The following ATP9B variants were observed in gnomAD, a reference collection of about 807,000 sequenced individuals.
ATP9B encodes probable phospholipid-transporting ATPase IIB.
ATP9B carries 110 observed loss-of-function variants against 146.1 expected under a neutral mutation model. The ratio of observed to expected loss-of-function variants is 0.75; its 90% confidence interval spans 0.65 to 0.88. The LOEUF (loss-of-function observed/expected upper bound fraction) is 0.88, where lower values mean the gene tolerates loss of function less well. Ranked by LOEUF, ATP9B falls within the 40% of genes least tolerant of loss-of-function variation. ATP9B has a pLI of 0.00. For synonymous variants in ATP9B, 604 were observed against 569.7 expected, an observed-to-expected ratio of 1.06 and a Z score of -0.86; for missense variants, 1,499 against 1,496.4, an observed-to-expected ratio of 1.00 and a Z score of -0.03.
chr18:79,259,218 A>G (rs775162464), intron 12 of ATP9B, among the ~76,000 whole-genome samples: 7 of 152,258 alleles, frequency 4.6e-5, no homozygotes, highest in Admixed American at 1.3e-4. Context: ...TAAAATTCAT[A>G]TATGTTCCCT....
chr18:79,182,772 A>G (rs2095265164), intron 8 of ATP9B, among the ~76,000 whole-genome samples: 1 of 152,184 alleles, frequency 6.6e-6, no homozygotes, highest in South Asian at 2.1e-4. Flanking sequence ...TAAAACAAAC[A>G]GTTATTTGTT....
rs140401750 is a variant in ATP9B at position 79,168,383 on chromosome 18, T to G, written c.779-8430T>G. On this transcript the variant is annotated intron_variant, in intron 7 of 29. Transcript: ENST00000426216. ...TAAGTTTTGTTTTTGATTTTGTTTT[T>G]TTTTTTTTTACATTTGTGTATTGTA... 9.2e-4 allele frequency among the ~76,000 whole-genome samples: 140 copies of G among 151,872 alleles called. 2 individuals carry two copies. In the East Asian group the frequency reaches 0.023, roughly 25 times the overall value.
intron 8 of ATP9B, among the ~76,000 whole-genome samples, chr18:79,186,083 C>T (rs961435012): frequency 6.6e-6 from 1 of 152,226 alleles, no homozygotes; most frequent in Middle Eastern, 3.4e-3. Flanking sequence ...ATGTTTCTGG[C>T]TTTTGTGATC....
intron 14 of ATP9B, among the ~76,000 whole-genome samples, chr18:79,304,681 T>C (rs1020077161): frequency 1.3e-5 from 2 of 152,212 alleles, no homozygotes. Context: ...TCATTCCTGC[T>C]GTAGGCACCT....
At chr18:79,169,700 G>A (rs1013732703) in intron 7 of ATP9B, among the ~76,000 whole-genome samples, 13 of 152,052 alleles carry the variant, frequency 8.5e-5, no homozygotes, top group Admixed American at 3.3e-4. Flanking sequence ...CCATTATACC[G>A]TAGTATTTCA....
At chr18:79,330,961 G>A (rs2096787017) in intron 17 of ATP9B, among the ~76,000 whole-genome samples, 1 of 152,086 alleles carries the variant, frequency 6.6e-6, no homozygotes, top group Admixed American at 6.6e-5. Context: ...TTGTGCATAA[G>A]GTTCACCTAA....
chr18:79,075,740 C>T (rs1242026015), intron 1 of ATP9B, among the ~76,000 whole-genome samples: 1 of 151,848 alleles, frequency 6.6e-6, no homozygotes, highest in Non-Finnish European at 1.5e-5. Flanking sequence ...TTTTTTTTTA[C>T]CCACCGCCAT....
chr18:79,359,365 T>C lies in ATP9B; in HGVS notation c.2915T>C (p.Ile972Thr), dbSNP rs1006890331. 6 of 1,613,548 alleles carry C rather than the reference T, an allele frequency of 3.7e-6. No individual in the cohort carries two copies. The highest frequency in any genetic ancestry group is 5.1e-6 in the Non-Finnish European group (6 of 1,179,506). The change falls in exon 26 of 30, where the codon ATA becomes ACA. Residue 972 changes from isoleucine (I) to threonine (T), a missense_variant. Coordinates refer to ENST00000426216, the MANE Select transcript of ATP9B (RefSeq NM_198531.5). ...TCTTGGTCTTGCAGGTATGCCACCA[T>C]ATACACCATGTTCCCAGTGTTCTCC... Reference protein sequence around the residue: ...QGFLMVGYATIYTMFPVFSLV... With the variant: ...QGFLMVGYATTYTMFPVFSLV...
intron 1 of ATP9B, chr18:79,086,217 A>T (rs7240620): frequency 0.21 from 31,783 of 152,012 alleles, 3,706 homozygotes; most frequent in East Asian, 0.5. Context: ...AGGTGGGCGG[A>T]TCACCTGAGG....
chr18:79,296,401 T>A (rs2146293161), intron 13 of ATP9B, among the ~76,000 whole-genome samples: 1 of 152,342 alleles, frequency 6.6e-6, no homozygotes, highest in East Asian at 1.9e-4. Flanking sequence ...GGTTTTTTCC[T>A]AAAGATCTTG....
intron 25 of ATP9B, among the ~76,000 whole-genome samples, chr18:79,355,305 C>G (rs1600315306): frequency 6.6e-6 from 1 of 152,192 alleles, no homozygotes; most frequent in East Asian, 1.9e-4. Context: ...AGAAGCCAGC[C>G]CTGAGATGGC....
At chr18:79,193,077 C>A in intron 8 of ATP9B, 106 bp from the exon 9 acceptor site, 1 of 799,962 alleles carries the variant, frequency 1.3e-6, no homozygotes, top group Non-Finnish European at 1.9e-6. Flanking sequence ...TCAATGATTG[C>A]TTTTGGTAAA....
Position 79,314,065 on chromosome 18 carries a change from G to A in ATP9B, c.1773+6831G>A, listed in dbSNP as rs374633459. 3.7e-4 allele frequency among the ~76,000 whole-genome samples: 57 copies of A among 152,246 alleles called. No homozygotes were observed. The South Asian group carries it at 5.0e-3, about 13-fold the overall frequency. On this transcript the variant is annotated intron_variant, in intron 15 of 29. Transcript: ENST00000426216. The stretch of plus-strand genomic sequence containing the variant: ...TACCGTTTTAAAAGCATTTTTTATC[G>A]AATAAAGTGCTTAGAATATTGCACC...
chr18:79,166,236 A>G (rs1272692419), intron 7 of ATP9B, among the ~76,000 whole-genome samples: 2 of 152,210 alleles, frequency 1.3e-5, no homozygotes, highest in East Asian at 1.9e-4. Flanking sequence ...GGGCAGAAAC[A>G]GCAACCCAGT....
At chr18:79,353,171 G>A (rs1412869559) in intron 25 of ATP9B, 1 of 152,276 alleles carries the variant, frequency 6.6e-6, no homozygotes, top group Non-Finnish European at 1.5e-5. Flanking sequence ...TGGCGAGAGT[G>A]CAGATGGTCC....
intron 27 of ATP9B, 69 bp from the exon 28 acceptor site, chr18:79,373,829 C>G (rs2097087611): frequency 1.3e-6 from 2 of 1,548,694 alleles, no homozygotes; most frequent in Non-Finnish European, 1.8e-6. Flanking sequence ...GTTGCTGGTT[C>G]AAGGCTGTTT....
chr18:79,337,625 C>A (rs948321674), intron 19 of ATP9B, among the ~76,000 whole-genome samples, 176 bp downstream of exon 19: 1 of 152,224 alleles, frequency 6.6e-6, no homozygotes, highest in African/African-American at 2.4e-5. Flanking sequence ...CTGGTGCACA[C>A]ACAAATCCCC....
In ATP9B at chr18:79,126,332, CAAG is replaced by C; in HGVS notation, c.625_627del (p.Lys209del). On this transcript the variant is annotated inframe_deletion, in exon 5 of 30. Coordinates refer to ENST00000426216, the MANE Select transcript of ATP9B (RefSeq NM_198531.5). ...ATGAATTTCGGCGTTTTCAGCGTGA[CAAG>C]GAAGTGAATTCACAACTATATAGCA... is the stretch of plus-strand genomic sequence containing the variant. The C allele has an allele frequency of 1.9e-6, 3 of 1,611,840 alleles. No individual in the cohort carries two copies. The highest frequency in any genetic ancestry group is 2.5e-6 in the Non-Finnish European group (3 of 1,178,480).
intron 12 of ATP9B, 166 bp downstream of exon 12, chr18:79,253,707 G>T (rs1228995167): frequency 7.5e-5 from 53 of 704,844 alleles, no homozygotes; most frequent in African/African-American, 1.9e-5. Flanking sequence ...TGTTGTTGGG[G>T]GAGACGTCAT....
Sources: gnomAD v4.1 joint callset for allele counts (sites outside exome capture counted in the v4.1 genomes callset) on GRCh38, gnomAD v4.1.1 for gene constraint, MANE v1.5 for transcripts, NCBI Gene and HGNC (gene_info 2026-07-23, HGNC 2026-07-21) for gene names.